Variants in MAP4 observed in about 807,000 individuals in gnomAD.
The protein encoded by MAP4 is microtubule associated protein 4, also known as microtubule-associated protein 4.
In MAP4, 76 loss-of-function variants were observed where a neutral mutation model predicts 170.2. The ratio of observed to expected loss-of-function variants is 0.45; its 90% CI spans 0.37 to 0.54. The LOEUF (loss-of-function observed/expected upper bound fraction) is 0.54. Among genes scored for constraint, MAP4 ranks in the 20% least tolerant of loss-of-function variants. MAP4 has a pLI of 0.00. For synonymous variants in MAP4, 909 were observed against 994.5 expected (o/e 0.91, Z 1.62); for missense variants, 2,506 against 2,748.0 (o/e 0.91, Z 1.97).
intron 5 of MAP4, among the ~76,000 whole-genome samples, chr3:47,920,560 T>C (rs1464849480): frequency 1.3e-5 from 2 of 150,934 alleles, no homozygotes; most frequent in East Asian, 2.0e-4. Flanking sequence ...TTTTTTTTTT[T>C]TTTTTTTTAA....
At position 47,995,313 on chromosome 3, in the gene MAP4, C is replaced by G. The variant is rs867884542; in HGVS notation, c.223+3325G>C. Among the ~76,000 whole-genome samples the G allele has an allele frequency of 2.0e-5, 3 of 148,536 alleles. No homozygotes were observed. The South Asian group carries it at 6.4e-4, about 32-fold the overall frequency. ...TCGCCCAGGCTGGAGTGCAGTGGCA[C>G]GCTCTCCACTCACTGCCACCTCCGC... On this transcript the variant is annotated intron_variant, in intron 2 of 20. Coordinates refer to ENST00000683076, the MANE Select transcript of MAP4 (RefSeq NM_001385682.1).
intron 2 of MAP4, among the ~76,000 whole-genome samples, chr3:47,980,981 T>C (rs1027190642): frequency 3.3e-5 from 5 of 152,160 alleles, no homozygotes; most frequent in African/African-American, 1.2e-4. Flanking sequence ...ATTACATCAT[T>C]TGGGGGAATG....
At chr3:48,028,092 G>C (rs2100114035) in intron 1 of MAP4, among the ~76,000 whole-genome samples, 1 of 152,126 alleles carries the variant, frequency 6.6e-6, no homozygotes, top group Admixed American at 6.5e-5. Flanking sequence ...AGGAGTTTGA[G>C]ATCAGCCTGG....
intron 1 of MAP4, among the ~76,000 whole-genome samples, chr3:48,066,245 C>A (rs1000764116): frequency 5.9e-5 from 9 of 152,106 alleles, no homozygotes; most frequent in Non-Finnish European, 1.0e-4. Context: ...TCTCTAAATA[C>A]CCTGGCTCTG....
intron 2 of MAP4, among the ~76,000 whole-genome samples, chr3:47,994,583 TG>T (rs2100094296): frequency 6.6e-6 from 1 of 152,216 alleles, no homozygotes. Context: ...ATTTGATCCA[TG>T]TAACATTAAC....
In MAP4 at chr3:47,909,049, A is replaced by C. The variant is rs746091141; in HGVS notation, c.5372T>G (p.Leu1791Arg). ...TIQEQERHKQ[L>R]KSAVCLSSST... ...TGGCAGGTTCATACCAGCGGACTTCAGTTGCTTATGTCTCTCTTGTTCCTG... is the reference window on the plus strand; with the variant it reads ...TGGCAGGTTCATACCAGCGGACTTCCGTTGCTTATGTCTCTCTTGTTCCTG... The change falls in exon 9 of 21, where the codon CTG becomes CGG. Residue 1791 changes from leucine (L) to arginine (R), a missense_variant. By Grantham distance (102) the Leu-to-Arg change is moderately radical (BLOSUM62 -2). Coordinates refer to ENST00000683076, the MANE Select transcript of MAP4 (RefSeq NM_001385682.1). 3 of 1,612,738 alleles carry C rather than the reference A, an allele frequency of 1.9e-6. No homozygotes were observed. In the South Asian group the frequency reaches 3.3e-5, roughly 18 times the overall value.
In MAP4 at chr3:47,892,506, T is replaced by G. The variant is rs1473335591; in HGVS notation, c.5434+10444A>C. ...GAGAGCGACATCGTCTCTCCTCCACTGCTCTCCCTGCTTTCGCTCCTGGAG... is the reference window on the plus strand; with the variant it reads ...GAGAGCGACATCGTCTCTCCTCCACGGCTCTCCCTGCTTTCGCTCCTGGAG... On this transcript the variant is annotated intron_variant, in intron 10 of 20. Coordinates refer to ENST00000683076, the MANE Select transcript of MAP4 (RefSeq NM_001385682.1). 2.7e-6 allele frequency: 4 copies of G among 1,503,358 alleles called. No homozygotes were observed. The Admixed American group carries it at 6.3e-5, about 24-fold the overall frequency. The allele number at this position is 1,503,358 out of a possible 1,614,324, so 93.1% of individuals were successfully genotyped here.
chr3:47,910,545 C>G lies in MAP4; in HGVS notation c.3876G>C (p.Gln1292His). Residue 1292 changes from glutamine to histidine, a missense_variant, in exon 9 of 21, where the codon CAG (glutamine) becomes CAC (histidine). Coordinates refer to ENST00000683076, the MANE Select transcript of MAP4 (RefSeq NM_001385682.1). ...EAVDRKGGNFQVNFVELGTLG... is the reference protein window; with the variant it reads ...EAVDRKGGNFHVNFVELGTLG... The stretch of plus-strand genomic sequence containing the variant: ...GAGTCCCAAGCTCAACAAAATTAAC[C>G]TGAAAATTTCCACCCTTCCTGTCAA... 2 of 1,536,082 alleles carry G rather than the reference C, an allele frequency of 1.3e-6. No individual in the cohort carries two copies. Among genetic ancestry groups the G allele is most frequent in the Non-Finnish European group, 1.7e-6 (2 of 1,146,900 alleles).
At chr3:47,860,539 T>C (rs2063866736) in intron 17 of MAP4, among the ~76,000 whole-genome samples, 1 of 152,186 alleles carries the variant, frequency 6.6e-6, no homozygotes, top group African/African-American at 2.4e-5. Flanking sequence ...AGCCTCTATC[T>C]CTTGACCTTT....
chr3:47,892,093 G>A, intron 10 of MAP4: 1 of 1,536,070 alleles, frequency 6.5e-7, no homozygotes, highest in Non-Finnish European at 8.7e-7. Context: ...GCCCCTCTAT[G>A]AGTCCCAGAT....
At chr3:48,035,634 CTAAAAA>C (rs1373348862) in intron 1 of MAP4, among the ~76,000 whole-genome samples, 5 of 149,962 alleles carry the variant, frequency 3.3e-5, no homozygotes, top group Admixed American at 2.0e-4. Flanking sequence ...TCTCAATAGA[CTAAAAA>C]TAAAAATAAG....
intron 3 of MAP4, among the ~76,000 whole-genome samples, chr3:47,938,209 TA>T (rs898819073): frequency 7.3e-5 from 11 of 151,432 alleles, no homozygotes; most frequent in African/African-American, 2.7e-4. Flanking sequence ...CTGTCTCTAC[TA>T]AAAATACAAA....
chr3:47,969,961 C>T (rs1466163161), intron 3 of MAP4, among the ~76,000 whole-genome samples: 1 of 152,174 alleles, frequency 6.6e-6, no homozygotes, highest in Non-Finnish European at 1.5e-5. Flanking sequence ...CACTGAGAGG[C>T]ATTCTATACA....
At chr3:47,970,445 A>T (rs1380856393) in intron 3 of MAP4, among the ~76,000 whole-genome samples, 2 of 151,908 alleles carry the variant, frequency 1.3e-5, no homozygotes, top group African/African-American at 2.4e-5. Flanking sequence ...AGATTGTGCC[A>T]TTGCACTGCG....
intron 1 of MAP4, among the ~76,000 whole-genome samples, chr3:48,069,062 A>G (rs999008385): frequency 6.6e-6 from 1 of 152,228 alleles, no homozygotes; most frequent in East Asian, 1.9e-4. Flanking sequence ...GCTAGAGATT[A>G]AAGTTCAAAT....
chr3:47,853,048 T>C, intron 20 of MAP4, 110 bp from the exon 21 acceptor site: 1 of 1,613,984 alleles, frequency 6.2e-7, no homozygotes, highest in South Asian at 1.1e-5. Flanking sequence ...GCCTGGAAAA[T>C]AAAAGGTTAC....
At chr3:48,073,611 C>CA (rs1250461009) in intron 1 of MAP4, among the ~76,000 whole-genome samples, 61 of 122,234 alleles carry the variant, frequency 5.0e-4, no homozygotes, top group Middle Eastern at 4.1e-3. Flanking sequence ...AACTCCATTT[C>CA]AAAAAAAAAA....
At chr3:48,055,329 C>T (rs1042864368) in intron 1 of MAP4, among the ~76,000 whole-genome samples, 1 of 152,202 alleles carries the variant, frequency 6.6e-6, no homozygotes, top group Non-Finnish European at 1.5e-5. Context: ...ATTCTCCTGC[C>T]TCAGTCTGCC....
chr3:47,882,825 AAG>A (rs2096972697), intron 10 of MAP4, among the ~76,000 whole-genome samples: 1 of 151,622 alleles, frequency 6.6e-6, no homozygotes, highest in Non-Finnish European at 1.5e-5. Context: ...TTTTTTTTTA[AAG>A]ACAGAGTCTC....
Sources: allele counts gnomAD v4.1 joint callset (sites outside exome capture counted in the v4.1 genomes callset), GRCh38; gene constraint gnomAD v4.1.1; transcripts MANE v1.5; gene names NCBI Gene and HGNC (gene_info 2026-07-23, HGNC 2026-07-21).